NALF1: variants seen among roughly 807,000 people sequenced by gnomAD.
The protein encoded by NALF1 is NALCN channel auxiliary factor 1, also known as family with sequence similarity 155 member A.
In NALF1, 3 loss-of-function variants were observed where a neutral mutation model predicts 48.4. The ratio of observed to expected loss-of-function variants is 0.06; its 90% CI spans 0.03 to 0.16. NALF1 has a LOEUF of 0.16. Ranked by LOEUF, NALF1 falls within the 10% of genes least tolerant of loss-of-function variation. The pLI is 1.00. For missense variants in NALF1, 526 were observed against 571.5 expected, an observed-to-expected ratio of 0.92 and a Z score of 0.81; for synonymous variants, 262 against 245.7, an observed-to-expected ratio of 1.07 and a Z score of -0.62.
chr13:107,390,733 C>T (rs569629218), intron 1 of NALF1, among the ~76,000 whole-genome samples: 10 of 152,122 alleles, frequency 6.6e-5, no homozygotes, highest in Admixed American at 1.3e-4. Flanking sequence ...AGAGGGACGG[C>T]ACAGAGAGAT....
chr13:107,508,878 T>A (rs1350849913), intron 1 of NALF1, among the ~76,000 whole-genome samples: 1 of 152,166 alleles, frequency 6.6e-6, no homozygotes, highest in Non-Finnish European at 1.5e-5. Context: ...TGGAAAATAC[T>A]ACGCTTTCCC....
At chr13:107,535,378 T>G (rs1471283215) in intron 1 of NALF1, among the ~76,000 whole-genome samples, 1 of 151,904 alleles carries the variant, frequency 6.6e-6, no homozygotes, top group Non-Finnish European at 1.5e-5. Flanking sequence ...TTCTTGAGAG[T>G]TTTTAGCATG....
intron 1 of NALF1, among the ~76,000 whole-genome samples, chr13:107,442,211 G>A (rs952776625): frequency 4.6e-5 from 7 of 152,144 alleles, no homozygotes; most frequent in South Asian, 2.1e-4. Context: ...AAGAGACTAT[G>A]AGCCTTGCTC....
intron 1 of NALF1, among the ~76,000 whole-genome samples, chr13:107,316,844 T>C (rs1202409396): frequency 6.6e-6 from 1 of 152,152 alleles, no homozygotes; most frequent in Non-Finnish European, 1.5e-5. Context: ...CTTCTGCTTA[T>C]TGCTGACTTA....
intron 1 of NALF1, among the ~76,000 whole-genome samples, chr13:107,370,595 T>A (rs2138964222): frequency 6.6e-6 from 1 of 151,160 alleles, no homozygotes; most frequent in African/African-American, 2.4e-5. Context: ...TTATCATCCA[T>A]TAAATGACTT....
intron 1 of NALF1, among the ~76,000 whole-genome samples, chr13:107,484,076 C>G (rs1356219525): frequency 1.3e-5 from 2 of 151,944 alleles, no homozygotes; most frequent in African/African-American, 4.8e-5. Flanking sequence ...AATGTAAAGT[C>G]TTGTTCTTTG....
chr13:107,200,424 C>T (rs1879487797), intron 2 of NALF1, among the ~76,000 whole-genome samples: 1 of 152,162 alleles, frequency 6.6e-6, no homozygotes, highest in South Asian at 2.1e-4. Context: ...TGCAGACTCT[C>T]CTAAGGGAAT....
chr13:107,325,501 C>T (rs1349492523), intron 1 of NALF1, among the ~76,000 whole-genome samples: 1 of 152,022 alleles, frequency 6.6e-6, no homozygotes, highest in Non-Finnish European at 1.5e-5. Context: ...TTGATTTTTA[C>T]ACTGACTTCC....
intron 1 of NALF1, among the ~76,000 whole-genome samples, chr13:107,819,629 T>C (rs2138615779): frequency 6.6e-6 from 1 of 152,036 alleles, no homozygotes; most frequent in Admixed American, 6.6e-5. Context: ...AATATATTAA[T>C]TGTGCTCTGC....
chr13:107,623,520 T>C (rs141100182), intron 1 of NALF1, among the ~76,000 whole-genome samples: 1 of 152,306 alleles, frequency 6.6e-6, no homozygotes, highest in African/African-American at 2.4e-5. Context: ...TGCCTAAGAC[T>C]TTTAAGGTCA....
chr13:107,373,414 C>CTA lies in NALF1; in HGVS notation c.916-162660_916-162659insTA, dbSNP rs1883281220. 2.0e-5 allele frequency among the ~76,000 whole-genome samples: 3 copies of CTA among 152,278 alleles called. No homozygotes were observed. The South Asian group carries it at 6.2e-4, about 32-fold the overall frequency. ...GAATGGATCAGAGTAAATGAACTGA[C>CTA]TGAGTTTCCAGTGTTTTAGTGTCTC... On this transcript the variant is annotated intron_variant, in intron 1 of 2. Coordinates refer to ENST00000375915, the MANE Select transcript of NALF1 (RefSeq NM_001080396.3).
chr13:107,764,360 A>G (rs1877362641), intron 1 of NALF1, among the ~76,000 whole-genome samples: 1 of 152,176 alleles, frequency 6.6e-6, no homozygotes, highest in Non-Finnish European at 1.5e-5. Flanking sequence ...TTATAACATA[A>G]TACATATGTT....
intron 1 of NALF1, among the ~76,000 whole-genome samples, chr13:107,229,544 T>C (rs545710585): frequency 6.6e-6 from 1 of 152,280 alleles, no homozygotes; most frequent in Non-Finnish European, 1.5e-5. Context: ...TTTCCATAGC[T>C]GAGTTCAAGA....
chr13:107,743,701 T>C (rs982542001), intron 1 of NALF1, among the ~76,000 whole-genome samples: 2 of 152,196 alleles, frequency 1.3e-5, no homozygotes, highest in East Asian at 1.9e-4. Context: ...GTAAACAGTA[T>C]AGCAGATTTG....
At chr13:107,357,010 A>G (rs1882974352) in intron 1 of NALF1, among the ~76,000 whole-genome samples, 1 of 152,242 alleles carries the variant, frequency 6.6e-6, no homozygotes, top group African/African-American at 2.4e-5. Context: ...TGGTCAAAGT[A>G]CATACACATC....
At chr13:107,826,304 C>T (rs1174257056) in intron 1 of NALF1, among the ~76,000 whole-genome samples, 2 of 150,518 alleles carry the variant, frequency 1.3e-5, no homozygotes, top group Non-Finnish European at 3.0e-5. Flanking sequence ...TGCATGTGCA[C>T]GTGTGTGTGT....
Position 107,163,892 on chromosome 13 carries a change from A to G in NALF1, c.*6605T>C, listed in dbSNP as rs1381526631. The G allele has an allele frequency of 6.6e-6, 1 of 152,226 alleles. No homozygotes were observed. Among genetic ancestry groups the G allele is most frequent in the African/African-American group, 2.4e-5 (1 of 41,474 alleles). 9.4% of individuals were successfully genotyped at this position (152,226 alleles called of 1,614,324 possible). Reference sequence around the variant, plus strand: ...AAAAGGTAGAAAAAGAAAACAAGAGAAAAAGGAAGAAAAAGAAAGCAAGAG... The same window carrying G: ...AAAAGGTAGAAAAAGAAAACAAGAGGAAAAGGAAGAAAAAGAAAGCAAGAG... On this transcript the variant is annotated 3_prime_UTR_variant, in exon 3 of 3. Coordinates refer to ENST00000375915, the MANE Select transcript of NALF1 (RefSeq NM_001080396.3).
At position 107,866,942 on chromosome 13, in the gene NALF1, G is replaced by A. The variant is rs1004376877; in HGVS notation, c.-346C>T. Among the ~76,000 whole-genome samples, 16 of 152,144 alleles carry A rather than the reference G, an allele frequency of 1.1e-4. No homozygotes were observed. Among genetic ancestry groups the A allele is most frequent in the South Asian group, 8.3e-4 (4 of 4,814 alleles). ...AGAGACGGAGGAGGCTGGTGCTGGTGGCCGGCGGCGAGGCTGGGTGCAGGG... is the reference window on the plus strand; with the variant it reads ...AGAGACGGAGGAGGCTGGTGCTGGTAGCCGGCGGCGAGGCTGGGTGCAGGG... On this transcript the variant is annotated 5_prime_UTR_variant, in exon 1 of 3. Coordinates refer to ENST00000375915, the MANE Select transcript of NALF1 (RefSeq NM_001080396.3). The surrounding 1 kb of genome is among the most constrained non-coding windows in gnomAD (Gnocchi z 4.4).
chr13:107,305,153 A>AT (rs1304652475), intron 1 of NALF1, among the ~76,000 whole-genome samples: 2 of 152,202 alleles, frequency 1.3e-5, no homozygotes, highest in East Asian at 3.9e-4. Flanking sequence ...ATCATACCTC[A>AT]TTGCAGAGTT....
Sources: allele counts gnomAD v4.1 joint callset (sites outside exome capture counted in the v4.1 genomes callset), GRCh38; gene constraint gnomAD v4.1.1; non-coding constraint Gnocchi (gnomAD v3.1); transcripts MANE v1.5; gene names NCBI Gene and HGNC (gene_info 2026-07-23, HGNC 2026-07-21).